Variants in CACNA2D3 observed in about 807,000 individuals in gnomAD.
CACNA2D3 encodes voltage-dependent calcium channel subunit alpha-2/delta-3.
In CACNA2D3, 60 loss-of-function variants were observed where a neutral mutation model predicts 160.6. That is an observed-to-expected ratio of 0.37 (90% CI 0.30 to 0.46). CACNA2D3 has a LOEUF of 0.46. CACNA2D3 is among the 20% of genes least tolerant of loss of function. The pLI is 1.00. For synonymous variants in CACNA2D3, 558 were observed against 492.9 expected, an observed-to-expected ratio of 1.13 and a Z score of -1.75; for missense variants, 1,205 against 1,365.0, an observed-to-expected ratio of 0.88 and a Z score of 1.85.
intron 4 of CACNA2D3, among the ~76,000 whole-genome samples, chr3:54,433,450 T>C (rs1361197903): frequency 6.6e-6 from 1 of 152,248 alleles, no homozygotes; most frequent in Non-Finnish European, 1.5e-5. Flanking sequence ...TCTTTTGGCT[T>C]TTGTAAAATT....
chr3:55,000,406 G>T (rs1461909022), intron 31 of CACNA2D3, among the ~76,000 whole-genome samples: 1 of 152,124 alleles, frequency 6.6e-6, no homozygotes, highest in Non-Finnish European at 1.5e-5. Context: ...AAATAGAGGA[G>T]TGGGGAACAA....
rs1309719874 is a variant in CACNA2D3, at chr3:54,410,681, C to A, written c.381+23907C>A. On this transcript the variant is annotated intron_variant, in intron 4 of 37. Coordinates refer to ENST00000474759, the MANE Select transcript of CACNA2D3 (RefSeq NM_018398.3). ...TACATCTCATTGACAACTCACATGG[C>A]AACCTAAGAGCTTTGCTGGGGATGT... Among the ~76,000 whole-genome samples, 6 of 149,746 alleles carry A rather than the reference C, an allele frequency of 4.0e-5. No individual in the cohort carries two copies. In the Admixed American group the frequency reaches 4.2e-4, roughly 10 times the overall value.
At chr3:55,001,886 C>T (rs911745893) in intron 31 of CACNA2D3, among the ~76,000 whole-genome samples, 10 of 152,164 alleles carry the variant, frequency 6.6e-5, no homozygotes, top group East Asian at 1.9e-4. Context: ...AGGCCGAGCG[C>T]GGTGGCTCAC....
At chr3:54,309,343 A>G (rs1047127689) in intron 2 of CACNA2D3, among the ~76,000 whole-genome samples, 1 of 152,250 alleles carries the variant, frequency 6.6e-6, no homozygotes, top group Non-Finnish European at 1.5e-5. Context: ...CAGTATTCAC[A>G]TGCAGTTTTA....
At chr3:54,591,587 TC>T (rs1204034403) in intron 9 of CACNA2D3, among the ~76,000 whole-genome samples, 1 of 150,014 alleles carries the variant, frequency 6.7e-6, no homozygotes, top group Admixed American at 6.6e-5. Flanking sequence ...TTTTTTTTTT[TC>T]ACATCACTAG....
At chr3:55,051,449 GC>G (rs1323911160) in intron 35 of CACNA2D3, among the ~76,000 whole-genome samples, 3 of 152,078 alleles carry the variant, frequency 2.0e-5, no homozygotes, top group African/African-American at 7.3e-5. Flanking sequence ...ACTTGAGGAG[GC>G]AGTCTGCCCT....
chr3:54,281,456 G>A (rs371943636), intron 2 of CACNA2D3, among the ~76,000 whole-genome samples: 1 of 152,160 alleles, frequency 6.6e-6, no homozygotes. Flanking sequence ...GATCATGAGG[G>A]GGAGGAAGTG....
At chr3:54,588,767 A>T (rs192493827) in intron 9 of CACNA2D3, among the ~76,000 whole-genome samples, 2 of 152,254 alleles carry the variant, frequency 1.3e-5, no homozygotes, top group Admixed American at 1.3e-4. Flanking sequence ...GCTGAAAATT[A>T]CAAAATGCTG....
chr3:54,669,198 C>G lies in CACNA2D3; in HGVS notation c.1167+26957C>G, dbSNP rs372677590. On this transcript the variant is annotated intron_variant, in intron 11 of 37. Transcript: ENST00000474759. ...GCCCCATGCTTGGCTTAATGCTCTG[C>G]TATTTTCATCTTGAAATCCTTAATA... Among the ~76,000 whole-genome samples the G allele has an allele frequency of 2.5e-4, 38 of 152,312 alleles. 1 individual carries two copies. The South Asian group carries it at 7.5e-3, about 30-fold the overall frequency.
At chr3:54,898,843 A>G (rs1338871642) in intron 26 of CACNA2D3, among the ~76,000 whole-genome samples, 1 of 152,178 alleles carries the variant, frequency 6.6e-6, no homozygotes. Context: ...AGGACATTTC[A>G]TAACCCCCTT....
At chr3:54,463,930 G>T (rs940882915) in intron 4 of CACNA2D3, among the ~76,000 whole-genome samples, 5 of 152,050 alleles carry the variant, frequency 3.3e-5, no homozygotes, top group African/African-American at 9.7e-5. Context: ...TGATGATGGC[G>T]ATGTACAGAT....
chr3:54,703,608 C>A (rs971937642), intron 11 of CACNA2D3, among the ~76,000 whole-genome samples: 1 of 152,154 alleles, frequency 6.6e-6, no homozygotes, highest in Non-Finnish European at 1.5e-5. Flanking sequence ...ATTGGAATGA[C>A]CTAAAATCCC....
At chr3:54,681,974 A>G (rs1409626806) in intron 11 of CACNA2D3, among the ~76,000 whole-genome samples, 1 of 152,142 alleles carries the variant, frequency 6.6e-6, no homozygotes, top group East Asian at 1.9e-4. Flanking sequence ...TTGAGTCACC[A>G]TGCCCAGCCC....
At chr3:55,073,603 A>AG in intron 36 of CACNA2D3, 46 bp downstream of exon 36, 4 of 1,476,864 alleles carry the variant, frequency 2.7e-6, no homozygotes, top group Non-Finnish European at 3.8e-6. Flanking sequence ...GAAACCAGTA[A>AG]GGGGTATCAG....
intron 35 of CACNA2D3, among the ~76,000 whole-genome samples, chr3:55,052,646 T>A (rs948264761): frequency 3.3e-5 from 5 of 152,152 alleles, no homozygotes; most frequent in South Asian, 2.1e-4. Flanking sequence ...TCATTTTTGG[T>A]CTCATTTATT....
At chr3:54,601,982 C>T (rs369848320) in intron 9 of CACNA2D3, among the ~76,000 whole-genome samples, 16 of 151,916 alleles carry the variant, frequency 1.1e-4, no homozygotes, top group African/African-American at 3.4e-4. Flanking sequence ...CCTTTGAGGA[C>T]ACTGGGAAAT....
intron 9 of CACNA2D3, among the ~76,000 whole-genome samples, chr3:54,589,213 T>A (rs1000789188): frequency 1.3e-5 from 2 of 152,030 alleles, no homozygotes; most frequent in South Asian, 4.1e-4. Flanking sequence ...ACAAGACATA[T>A]ACCCACATAC....
chr3:54,591,314 C>G (rs1225433847), intron 9 of CACNA2D3, among the ~76,000 whole-genome samples: 3 of 152,148 alleles, frequency 2.0e-5, no homozygotes, highest in African/African-American at 7.2e-5. Context: ...ATTGGTTCTG[C>G]TAAATCAGGT....
At chr3:54,890,766 G>A (rs887368215) in intron 24 of CACNA2D3, among the ~76,000 whole-genome samples, 1 of 152,172 alleles carries the variant, frequency 6.6e-6, no homozygotes, top group African/African-American at 2.4e-5. Context: ...TCTCTTTGGG[G>A]TTGGTGGTGA....
Sources: gnomAD v4.1 joint callset for allele counts (sites outside exome capture counted in the v4.1 genomes callset) on GRCh38, gnomAD v4.1.1 for gene constraint, MANE v1.5 for transcripts, NCBI Gene and HGNC (gene_info 2026-07-23, HGNC 2026-07-21) for gene names.